The following EPB41L5 variants were observed in gnomAD, a reference collection of about 807,000 sequenced individuals.
EPB41L5 encodes erythrocyte membrane protein band 4.1 like 5.
A neutral mutation model predicts 106.6 loss-of-function variants in EPB41L5; 55 were observed. That is an observed-to-expected ratio of 0.52 (90% confidence interval 0.42 to 0.65). The LOEUF is 0.65. Ranked by LOEUF, EPB41L5 falls within the 30% of genes least tolerant of loss-of-function variation. The pLI is 0.00. For missense variants in EPB41L5, 871 were observed against 882.1 expected (o/e 0.99, Z 0.16); for synonymous variants, 297 against 306.7 (o/e 0.97, Z 0.33).
At chr2:120,095,002 A>G (rs969349454) in intron 14 of EPB41L5, among the ~76,000 whole-genome samples, 1 of 152,110 alleles carries the variant, frequency 6.6e-6, no homozygotes, top group Non-Finnish European at 1.5e-5. Flanking sequence ...TGTACTTAAG[A>G]AGAGTATATA....
chr2:120,110,373 A>G (rs531796966), intron 16 of EPB41L5, among the ~76,000 whole-genome samples: 6 of 152,294 alleles, frequency 3.9e-5, no homozygotes, highest in Non-Finnish European at 7.4e-5. Flanking sequence ...TCCCGTAACA[A>G]TTTATTCCCT....
At chr2:120,137,371 C>A (rs1197187994) in intron 18 of EPB41L5, among the ~76,000 whole-genome samples, 1 of 151,244 alleles carries the variant, frequency 6.6e-6, no homozygotes, top group Non-Finnish European at 1.5e-5. Context: ...AAGATCAGAG[C>A]AGAAATAAAG....
At chr2:120,161,094 G>A in intron 21 of EPB41L5, 120 bp downstream of exon 21, 1 of 742,810 alleles carries the variant, frequency 1.3e-6, no homozygotes, top group Non-Finnish European at 2.3e-6. Flanking sequence ...TGTGAGAAGA[G>A]CAGCCGAGCA....
At chr2:120,098,892 G>A (rs1450906467) in intron 14 of EPB41L5, among the ~76,000 whole-genome samples, 1 of 152,226 alleles carries the variant, frequency 6.6e-6, no homozygotes, top group Non-Finnish European at 1.5e-5. Flanking sequence ...TTGTGTTTGA[G>A]AGCTTTGCCT....
intron 16 of EPB41L5, chr2:120,104,635 A>G (rs1684344097): frequency 2.0e-6 from 2 of 987,962 alleles, no homozygotes; most frequent in Admixed American, 6.1e-5. Context: ...CTAAAAACAC[A>G]GTGGAAGCAT....
In EPB41L5 at chr2:120,087,151, AT is replaced by A; in HGVS notation, c.804-18del. 6.9e-7 allele frequency: 1 copy of A among 1,454,710 alleles called. No individual in the cohort carries two copies. The allele number at this position is 1,454,710 out of a possible 1,614,324, so 90.1% of individuals were successfully genotyped here. Reference sequence around the variant, plus strand: ...AACATTTGTTTGTAATTTGGCTTTTATTCTCTTATTATATTATAGGCCGAAG... The same window carrying A: ...AACATTTGTTTGTAATTTGGCTTTTATCTCTTATTATATTATAGGCCGAAG... On this transcript the variant is annotated intron_variant, in intron 10 of 24. Transcript: ENST00000263713.
At chr2:120,023,219 C>T (rs1304344553) in intron 2 of EPB41L5, among the ~76,000 whole-genome samples, 1 of 152,124 alleles carries the variant, frequency 6.6e-6, no homozygotes, top group African/African-American at 2.4e-5. Context: ...GCTTTTGTGG[C>T]CATTGCTTTT....
At chr2:120,089,248 T>G (rs1257311964) in intron 11 of EPB41L5, among the ~76,000 whole-genome samples, 1 of 152,170 alleles carries the variant, frequency 6.6e-6, no homozygotes, top group Non-Finnish European at 1.5e-5. Flanking sequence ...TTTTACATTT[T>G]GCTTCAGTTC....
chr2:120,077,390 T>C, intron 9 of EPB41L5, 74 bp downstream of exon 9: 2 of 1,293,986 alleles, frequency 1.5e-6, no homozygotes, highest in Non-Finnish European at 2.2e-6. Context: ...AATTTTTCAG[T>C]ATGAGGGAGG....
At chr2:120,054,166 G>T (rs968796097) in intron 3 of EPB41L5, among the ~76,000 whole-genome samples, 2 of 152,118 alleles carry the variant, frequency 1.3e-5, no homozygotes, top group Non-Finnish European at 2.9e-5. Flanking sequence ...ATGATGTTGA[G>T]CATCTTTTCA....
intron 3 of EPB41L5, among the ~76,000 whole-genome samples, chr2:120,055,751 G>T (rs1680608377): frequency 6.6e-6 from 1 of 151,744 alleles, no homozygotes. Context: ...TTCATTTTTG[G>T]ATTGTTCATT....
intron 10 of EPB41L5, among the ~76,000 whole-genome samples, chr2:120,081,473 T>A (rs113537154): frequency 1.3e-5 from 2 of 152,370 alleles, no homozygotes; most frequent in African/African-American, 4.8e-5. Flanking sequence ...TCTATATCTC[T>A]GTTTTGGTAC....
chr2:120,062,977 TAGA>T (rs1681182562), intron 3 of EPB41L5, among the ~76,000 whole-genome samples: 1 of 152,084 alleles, frequency 6.6e-6, no homozygotes. Context: ...TGTTTTAAAA[TAGA>T]GGGTATTTTG....
intron 3 of EPB41L5, among the ~76,000 whole-genome samples, chr2:120,063,873 C>T (rs898809240): frequency 5.9e-5 from 9 of 151,606 alleles, no homozygotes; most frequent in Non-Finnish European, 1.0e-4. Flanking sequence ...ACCCGGGAGG[C>T]GGAGGTTGCA....
At chr2:120,061,942 A>G (rs1404591912) in intron 3 of EPB41L5, among the ~76,000 whole-genome samples, 1 of 152,100 alleles carries the variant, frequency 6.6e-6, no homozygotes, top group Non-Finnish European at 1.5e-5. Flanking sequence ...ACCTGTGGAG[A>G]ATAGAGCTGG....
intron 16 of EPB41L5, chr2:120,105,457 C>G: frequency 1.0e-6 from 1 of 985,312 alleles, no homozygotes; most frequent in African/African-American, 1.7e-5. Flanking sequence ...TCCTGCCAGA[C>G]AAAGATTAAG....
At chr2:120,022,072 G>T (rs1049243031) in intron 2 of EPB41L5, among the ~76,000 whole-genome samples, 2 of 152,120 alleles carry the variant, frequency 1.3e-5, no homozygotes, top group Non-Finnish European at 2.9e-5. Flanking sequence ...TTGAAAATAC[G>T]ACAGTAAACT....
In EPB41L5 at chr2:120,078,928, C is replaced by T. The variant is rs1281050022; in HGVS notation, c.803+347C>T. 2.6e-5 allele frequency among the ~76,000 whole-genome samples: 4 copies of T among 152,142 alleles called. 1 individual carries two copies. The South Asian group carries it at 6.2e-4, about 24-fold the overall frequency. On this transcript the variant is annotated intron_variant, in intron 10 of 24. Coordinates refer to ENST00000263713, the MANE Select transcript of EPB41L5 (RefSeq NM_020909.4). ...TATTATTCCACAATCCCTTTACCCC[C>T]TATTGTGTAAGAGGAAGATACTAAT...
At chr2:120,097,275 G>A (rs1683822070) in intron 14 of EPB41L5, among the ~76,000 whole-genome samples, 1 of 152,134 alleles carries the variant, frequency 6.6e-6, no homozygotes, top group Non-Finnish European at 1.5e-5. Flanking sequence ...ACCACCCATC[G>A]CAGTGCTTGA....
Sources: allele counts gnomAD v4.1 joint callset (sites outside exome capture counted in the v4.1 genomes callset), GRCh38; gene constraint gnomAD v4.1.1; transcripts MANE v1.5; gene names NCBI Gene and HGNC (gene_info 2026-07-23, HGNC 2026-07-21).